Variants in NUMB observed in about 807,000 individuals in gnomAD.
NUMB encodes the protein protein numb homolog.
NUMB carries 29 observed loss-of-function variants against 59.7 expected under a neutral mutation model. The ratio of observed to expected loss-of-function variants is 0.49; its 90% CI spans 0.36 to 0.66. The LOEUF (loss-of-function observed/expected upper bound fraction) is 0.66, where lower values mean the gene tolerates loss of function less well. Among genes scored for constraint, NUMB ranks in the 30% least tolerant of loss-of-function variants. The pLI is 0.00. For missense variants in NUMB, 723 were observed against 822.0 expected, an observed-to-expected ratio of 0.88 and a Z score of 1.47; for synonymous variants, 288 against 288.2, an observed-to-expected ratio of 1.00 and a Z score of 0.01.
intron 4 of NUMB, among the ~76,000 whole-genome samples, chr14:73,352,518 A>G (rs1422285990): frequency 3.1e-4 from 4 of 13,000 alleles, no homozygotes; most frequent in East Asian, 7.1e-3. Context: ...ATATATATAT[A>G]TATATATATA....
chr14:73,296,786 G>C (rs1442750581), intron 7 of NUMB, among the ~76,000 whole-genome samples: 1 of 152,200 alleles, frequency 6.6e-6, no homozygotes, highest in East Asian at 1.9e-4. Flanking sequence ...AGCACTTTAG[G>C]AGGCTGCCGG....
Position 73,449,253 on chromosome 14 carries a change from A to G in NUMB, c.-233+9240T>C, listed in dbSNP as rs545381108. ...TGTGTGCAGGTTATATGTAAATACT[A>G]CACCATCTTATATAAGTGACCTGTG... On this transcript the variant is annotated intron_variant, in intron 1 of 12. Transcript: ENST00000555238. Among the ~76,000 whole-genome samples the G allele has an allele frequency of 2.6e-5, 4 of 152,212 alleles. No individual in the cohort carries two copies. The South Asian group carries it at 6.2e-4, about 24-fold the overall frequency.
intron 1 of NUMB, among the ~76,000 whole-genome samples, chr14:73,437,035 C>T (rs1011963991): frequency 7.2e-6 from 1 of 138,680 alleles, no homozygotes; most frequent in Non-Finnish European, 1.5e-5. Flanking sequence ...TATATTTTTT[C>T]TCTCTCTTTT....
chr14:73,426,526 T>TAG (rs1897589091), intron 1 of NUMB, among the ~76,000 whole-genome samples: 1 of 151,906 alleles, frequency 6.6e-6, no homozygotes. Flanking sequence ...GGGCAACACA[T>TAG]AGAGGATCCA....
intron 4 of NUMB, among the ~76,000 whole-genome samples, chr14:73,345,193 G>A (rs1263380928): frequency 4.6e-5 from 7 of 152,200 alleles, no homozygotes; most frequent in South Asian, 2.1e-4. Context: ...TATGTCTTTT[G>A]CAGCAACATG....
At chr14:73,420,508 C>T (rs1236559436) in intron 1 of NUMB, among the ~76,000 whole-genome samples, 1 of 151,942 alleles carries the variant, frequency 6.6e-6, no homozygotes, top group Non-Finnish European at 1.5e-5. Flanking sequence ...GGGAAATTAC[C>T]ACCAAAAATG....
chr14:73,386,026 T>A lies in NUMB; in HGVS notation c.-100-19045A>T, dbSNP rs139104423. On this transcript the variant is annotated intron_variant, in intron 2 of 12. Transcript: ENST00000555238. Reference sequence around the variant, plus strand: ...TTAACTAGCGGGCTTTTCTAGAATATTACCATGAAAGTCCTAGGAACCTCC... The same window carrying A: ...TTAACTAGCGGGCTTTTCTAGAATAATACCATGAAAGTCCTAGGAACCTCC... Among the ~76,000 whole-genome samples the A allele has an allele frequency of 1.4e-4, 22 of 152,302 alleles. No individual in the cohort carries two copies. The East Asian group carries it at 2.9e-3, about 20-fold the overall frequency.
At chr14:73,372,319 A>ATATATATATATATATATAACCTTT (rs1396064092) in intron 2 of NUMB, among the ~76,000 whole-genome samples, 1 of 107,782 alleles carries the variant, frequency 9.3e-6, no homozygotes, top group African/African-American at 3.3e-5. Context: ...ATATATATAT[A>ATATATATATATATATATAACCTTT]TATATATATA....
chr14:73,351,772 C>T (rs978954597), intron 4 of NUMB, among the ~76,000 whole-genome samples: 5 of 151,804 alleles, frequency 3.3e-5, no homozygotes, highest in Non-Finnish European at 7.4e-5. Flanking sequence ...GTCAGGAGAT[C>T]GAGACCATCC....
chr14:73,422,727 G>A (rs1897405864), intron 1 of NUMB, among the ~76,000 whole-genome samples: 2 of 151,982 alleles, frequency 1.3e-5, no homozygotes, highest in South Asian at 2.1e-4. Flanking sequence ...CACATCTCAC[G>A]TAAACTCACT....
chr14:73,392,699 G>C lies in NUMB; in HGVS notation c.-101+17238C>G, dbSNP rs1292918170. 2.6e-5 allele frequency among the ~76,000 whole-genome samples: 4 copies of C among 152,138 alleles called. No individual in the cohort carries two copies. The South Asian group carries it at 6.2e-4, about 24-fold the overall frequency. The stretch of plus-strand genomic sequence containing the variant: ...CCTATAATAACAATAATTAAATGTT[G>C]CAATTTACTCTTCCATTCACTGATT... On this transcript the variant is annotated intron_variant, in intron 2 of 12. Coordinates refer to ENST00000555238, the MANE Select transcript of NUMB (RefSeq NM_001005743.2).
Position 73,323,162 on chromosome 14 carries a change from T to A in NUMB, c.169A>T (p.Ile57Phe). The A allele has an allele frequency of 6.2e-7, 1 of 1,613,760 alleles. No homozygotes were observed. The highest frequency in any genetic ancestry group is 1.7e-5 in the Admixed American group (1 of 59,998). ...VEVDESRGMHICEDAVKRLKA... is the reference protein window; with the variant it reads ...VEVDESRGMHFCEDAVKRLKA... ...AATCTTTTTACAGCATCTTCACAGA[T>A]GTGCATTCCTCTTGATTCATCAACT... is the stretch of plus-strand genomic sequence containing the variant. Residue 57 changes from isoleucine to phenylalanine, a missense_variant, in exon 5 of 13, where the codon ATC (isoleucine) becomes TTC (phenylalanine). Ile to Phe is a conservative substitution (Grantham distance 21). Around this residue, in one of 2 missense-constraint regions of NUMB, gnomAD observed 317 missense variants for 436.6 expected, o/e 0.73. Transcript: ENST00000555238.
intron 4 of NUMB, among the ~76,000 whole-genome samples, chr14:73,333,208 T>C (rs550694691): frequency 1.3e-5 from 2 of 152,202 alleles, no homozygotes; most frequent in South Asian, 2.1e-4. Flanking sequence ...CAGCAATGTA[T>C]GAGAGCTCCA....
At chr14:73,347,874 G>A (rs892612080) in intron 4 of NUMB, among the ~76,000 whole-genome samples, 3 of 151,982 alleles carry the variant, frequency 2.0e-5, no homozygotes, top group Non-Finnish European at 2.9e-5. Flanking sequence ...ATTTATGTAC[G>A]GTCAGTCCGC....
intron 2 of NUMB, among the ~76,000 whole-genome samples, chr14:73,392,380 T>A (rs1895897159): frequency 6.6e-6 from 1 of 152,224 alleles, no homozygotes; most frequent in African/African-American, 2.4e-5. Context: ...AGTGAAAAAG[T>A]TGAATGCAAA....
chr14:73,384,577 A>AT (rs199514491), intron 2 of NUMB, among the ~76,000 whole-genome samples: 2,672 of 152,026 alleles, frequency 0.018, 42 homozygotes, highest in Non-Finnish European at 0.027. Context: ...AAAAACTATA[A>AT]TTTTTTTTGA....
intron 1 of NUMB, among the ~76,000 whole-genome samples, chr14:73,443,247 G>T (rs1356772744): frequency 6.6e-6 from 1 of 152,156 alleles, no homozygotes; most frequent in Non-Finnish European, 1.5e-5. Context: ...ACATGCCATG[G>T]TGGGGGAAGA....
chr14:73,333,717 T>C (rs1362804392), intron 4 of NUMB, among the ~76,000 whole-genome samples: 1 of 152,226 alleles, frequency 6.6e-6, no homozygotes, highest in Non-Finnish European at 1.5e-5. Flanking sequence ...TGATGCACAG[T>C]AGTTCCTAAT....
At chr14:73,451,163 A>AAAAAAAAC in intron 1 of NUMB, among the ~76,000 whole-genome samples, 1 of 139,984 alleles carries the variant, frequency 7.1e-6, no homozygotes, top group Non-Finnish European at 1.5e-5. Flanking sequence ...CAAAAAAAAA[A>AAAAAAAAC]AAAAAAAAAA....
Sources: gnomAD v4.1 joint callset for allele counts (sites outside exome capture counted in the v4.1 genomes callset) on GRCh38, gnomAD v4.1.1 for gene constraint, gnomAD v4.1.1 regional missense constraint, MANE v1.5 for transcripts, NCBI Gene and HGNC (gene_info 2026-07-23, HGNC 2026-07-21) for gene names.